CEP128: variants seen among roughly 807,000 people sequenced by gnomAD.
CEP128 encodes centrosomal protein 128.
In CEP128, 132 loss-of-function variants were observed where a neutral mutation model predicts 156.7. The observed-to-expected ratio is 0.84, with a 90% CI of 0.73 to 0.97. The LOEUF (loss-of-function observed/expected upper bound fraction) is 0.97, where lower values mean the gene tolerates loss of function less well. CEP128 is among the 50% of genes least tolerant of loss of function. The pLI is 0.00. For synonymous variants in CEP128, 469 were observed against 448.9 expected (o/e 1.04, Z -0.57); for missense variants, 1,252 against 1,281.9 (o/e 0.98, Z 0.36).
chr14:80,487,273 C>G (rs1351129394), downstream of CEP128, among the ~76,000 whole-genome samples: 1 of 151,974 alleles, frequency 6.6e-6, no homozygotes, highest in Non-Finnish European at 1.5e-5. Flanking sequence ...TCAAAAGAGA[C>G]AAAGAAAGCC....
intron 19 of CEP128, among the ~76,000 whole-genome samples, chr14:80,669,787 G>T (rs1437071128): frequency 6.6e-6 from 1 of 152,210 alleles, no homozygotes; most frequent in Non-Finnish European, 1.5e-5. Context: ...ATTTGATCCA[G>T]CAATTCCATG....
intron 9 of CEP128, among the ~76,000 whole-genome samples, chr14:80,854,746 G>A (rs1471110426): frequency 6.6e-6 from 1 of 152,174 alleles, no homozygotes; most frequent in Non-Finnish European, 1.5e-5. Flanking sequence ...AGAACTACGT[G>A]AGAAATAAAC....
chr14:80,938,578 G>C (rs17111229), intron 2 of CEP128, among the ~76,000 whole-genome samples: 9,975 of 152,026 alleles, frequency 0.066, 1,086 homozygotes, highest in African/African-American at 0.23. Context: ...TCCGCAGTGT[G>C]TCTCCCCTCT....
intron 19 of CEP128, among the ~76,000 whole-genome samples, chr14:80,674,640 T>C (rs916193633): frequency 6.6e-5 from 10 of 152,108 alleles, no homozygotes; most frequent in African/African-American, 2.4e-4. Flanking sequence ...TATATACACA[T>C]ATATATGCAT....
chr14:80,730,889 G>A (rs1898241875), intron 19 of CEP128, among the ~76,000 whole-genome samples: 1 of 152,006 alleles, frequency 6.6e-6, no homozygotes, highest in Non-Finnish European at 1.5e-5. Flanking sequence ...TCATTAATTG[G>A]GCCTTGAGGC....
At position 80,497,105 on chromosome 14, in the gene CEP128, C is replaced by T. The variant is rs560750419; in HGVS notation, c.*374G>A. On this transcript the variant is annotated 3_prime_UTR_variant, in exon 25 of 25. Coordinates refer to ENST00000555265, the MANE Select transcript of CEP128 (RefSeq NM_152446.5). ...TCTAAAGTGCTGGCAACTTTTGCCT[C>T]AAGGGAAACTCATTTTCCTTCTTTT... The T allele has an allele frequency of 5.9e-6, 1 of 170,196 alleles. No individual in the cohort carries two copies. Among genetic ancestry groups the T allele is most frequent in the Non-Finnish European group, 1.2e-5 (1 of 80,470 alleles). The allele number at this position is 170,196 out of a possible 1,614,324, so 10.5% of individuals were successfully genotyped here. A position where few individuals can be genotyped will look rare whatever the true frequency, so the allele number is the denominator to read the frequency against.
At chr14:80,867,005 G>T (rs1474453397) in intron 8 of CEP128, among the ~76,000 whole-genome samples, 2 of 152,060 alleles carry the variant, frequency 1.3e-5, no homozygotes, top group Non-Finnish European at 2.9e-5. Context: ...TCATATCACA[G>T]AAATTAAAAA....
At chr14:80,581,876 C>T (rs1367952319) in intron 19 of CEP128, among the ~76,000 whole-genome samples, 7 of 152,220 alleles carry the variant, frequency 4.6e-5, no homozygotes, top group Non-Finnish European at 4.4e-5. Context: ...CTACTTCCAT[C>T]AAGAGGCCAT....
chr14:80,797,802 T>G (rs534368057), intron 13 of CEP128, among the ~76,000 whole-genome samples: 1 of 152,326 alleles, frequency 6.6e-6, no homozygotes, highest in East Asian at 1.9e-4. Flanking sequence ...TTCAGGGTAT[T>G]TATAGTAAAT....
At chr14:80,483,503 GGCAGAAGTTCCAA>G (rs1887097865) in intron 14 of CEP128, among the ~76,000 whole-genome samples, 1 of 152,178 alleles carries the variant, frequency 6.6e-6, no homozygotes, top group Non-Finnish European at 1.5e-5. Flanking sequence ...TAAACTATCA[GGCAGAAGTTCCAA>G]GAACAACACG....
chr14:80,767,132 C>G (rs1900278357), intron 16 of CEP128, among the ~76,000 whole-genome samples: 2 of 152,082 alleles, frequency 1.3e-5, no homozygotes, highest in Non-Finnish European at 1.5e-5. Context: ...CAACAGTTGA[C>G]TCAGCTGCAA....
At chr14:80,752,630 T>TA (rs1207039215) in intron 18 of CEP128, among the ~76,000 whole-genome samples, 1 of 152,166 alleles carries the variant, frequency 6.6e-6, no homozygotes, top group Non-Finnish European at 1.5e-5. Flanking sequence ...CACAATGTTT[T>TA]AAAAAATCCA....
Position 80,559,302 on chromosome 14 carries a change from C to A in CEP128, c.2857G>T (p.Asp953Tyr). The change falls in exon 21 of 25, where the codon GAC becomes TAC. Residue 953 changes from aspartate (D) to tyrosine (Y), a missense_variant and splice_region_variant. Coordinates refer to ENST00000555265, the MANE Select transcript of CEP128 (RefSeq NM_152446.5). ...RKDEEMGSLQ[D>Y]RVIALETSTQ... is the part of the protein sequence containing the mutation. Reference sequence around the variant, plus strand: ...ACCGTTTCTAATGCAATTACACGGTCCTGCAAAGAAAGCATAATATATAAT... The same window carrying A: ...ACCGTTTCTAATGCAATTACACGGTACTGCAAAGAAAGCATAATATATAAT... 1 of 1,598,616 alleles carries A rather than the reference C, an allele frequency of 6.3e-7. No homozygotes were observed. The highest frequency in any genetic ancestry group is 1.1e-5 in the South Asian group (1 of 87,404).
intron 10 of CEP128, among the ~76,000 whole-genome samples, chr14:80,839,112 C>G (rs1886230057): frequency 6.6e-6 from 1 of 152,142 alleles, no homozygotes; most frequent in Admixed American, 6.5e-5. Flanking sequence ...AAAATGTGAC[C>G]AGTTAAGTGA....
chr14:80,504,555 T>C (rs1171388043), intron 24 of CEP128, among the ~76,000 whole-genome samples: 1 of 152,238 alleles, frequency 6.6e-6, no homozygotes, highest in Non-Finnish European at 1.5e-5. Flanking sequence ...TCAACATTTA[T>C]ATGCAAAGAA....
chr14:80,612,934 G>A (rs1276005583), intron 19 of CEP128, among the ~76,000 whole-genome samples: 4 of 151,700 alleles, frequency 2.6e-5, no homozygotes, highest in African/African-American at 9.7e-5. Flanking sequence ...TCCACCTCCC[G>A]GGTTCAAGCA....
chr14:80,854,309 T>C (rs1017972515), intron 9 of CEP128, among the ~76,000 whole-genome samples: 13 of 152,210 alleles, frequency 8.5e-5, no homozygotes, highest in African/African-American at 2.2e-4. Context: ...TAAGATTACA[T>C]TGGAACCATG....
At chr14:80,565,363 TTTAAAGGTAATTTGG>T (rs1307726141) in intron 20 of CEP128, among the ~76,000 whole-genome samples, 1 of 152,100 alleles carries the variant, frequency 6.6e-6, no homozygotes, top group African/African-American at 2.4e-5. Context: ...TTCCCAAGAT[TTTAAAGGTAATTTGG>T]CAAGCGCCTG....
intron 20 of CEP128, among the ~76,000 whole-genome samples, chr14:80,563,293 G>T (rs1314896096): frequency 6.6e-6 from 1 of 152,038 alleles, no homozygotes; most frequent in African/African-American, 2.4e-5. Context: ...GGTAGGAGAA[G>T]TAGACAAGGG....
Sources: gnomAD v4.1 joint callset for allele counts (sites outside exome capture counted in the v4.1 genomes callset) on GRCh38, gnomAD v4.1.1 for gene constraint, MANE v1.5 for transcripts, NCBI Gene and HGNC (gene_info 2026-07-23, HGNC 2026-07-21) for gene names.